The following NRXN3 variants were observed in gnomAD, a reference collection of about 807,000 sequenced individuals.
NRXN3 encodes neurexin III.
NRXN3 carries 32 observed loss-of-function variants against 137.6 expected under a neutral mutation model. That is an observed-to-expected ratio of 0.23 (90% CI 0.18 to 0.31). The LOEUF (loss-of-function observed/expected upper bound fraction) is 0.31, where lower values mean the gene tolerates loss of function less well. Among genes scored for constraint, NRXN3 ranks in the 10% least tolerant of loss-of-function variants. The probability of loss-of-function intolerance (pLI) is 1.00; values close to 1 mark genes in which losing one functional copy is unlikely to be tolerated. For missense variants in NRXN3, 1,574 were observed against 2,062.5 expected (o/e 0.76, Z 4.59); for synonymous variants, 798 against 784.5 (o/e 1.02, Z -0.29).
chr14:79,285,747 T>C (rs1466290521), intron 15 of NRXN3, among the ~76,000 whole-genome samples: 1 of 152,178 alleles, frequency 6.6e-6, no homozygotes, highest in East Asian at 1.9e-4. Context: ...TTAAAGGCCC[T>C]GTCCTCACAT....
At chr14:79,305,317 T>C (rs552692586) in intron 15 of NRXN3, among the ~76,000 whole-genome samples, 58 of 152,170 alleles carry the variant, frequency 3.8e-4, no homozygotes, top group African/African-American at 1.3e-3. Flanking sequence ...CAAAGTCCTG[T>C]GCAAACCTTA....
intron 4 of NRXN3, among the ~76,000 whole-genome samples, chr14:78,418,513 G>T (rs1313071219): frequency 6.6e-6 from 1 of 152,106 alleles, no homozygotes; most frequent in Admixed American, 6.6e-5. Context: ...CCTAGAACAT[G>T]GGACTCCCCT....
chr14:78,230,027 A>G (rs1480138052), intron 1 of NRXN3, among the ~76,000 whole-genome samples: 1 of 151,542 alleles, frequency 6.6e-6, no homozygotes, highest in Non-Finnish European at 1.5e-5. Context: ...ATTTTTATTT[A>G]TTTTGTATTT....
intron 15 of NRXN3, among the ~76,000 whole-genome samples, chr14:79,153,521 C>T (rs1027321796): frequency 2.0e-5 from 3 of 151,830 alleles, no homozygotes; most frequent in African/African-American, 4.8e-5. Flanking sequence ...GTCAGTGAGC[C>T]CACAAGTTTC....
intron 19 of NRXN3, among the ~76,000 whole-genome samples, 170 bp downstream of exon 19, chr14:79,698,107 A>G (rs992774858): frequency 3.3e-5 from 5 of 152,012 alleles, no homozygotes; most frequent in African/African-American, 1.2e-4. Context: ...GTCATTGCTA[A>G]AGAAGTCATA....
intron 1 of NRXN3, among the ~76,000 whole-genome samples, chr14:78,235,038 G>GTATATATATA (rs1567037889): frequency 1.3e-4 from 10 of 76,684 alleles, no homozygotes; most frequent in African/African-American, 4.7e-4. Context: ...ATATATATAT[G>GTATATATATA]TGTGTGTGTG....
chr14:79,130,670 T>A (rs1280230024), intron 15 of NRXN3, among the ~76,000 whole-genome samples: 1 of 152,158 alleles, frequency 6.6e-6, no homozygotes, highest in African/African-American at 2.4e-5. Context: ...GAGTTGCTCT[T>A]CTCGAGGAGT....
In NRXN3 at chr14:78,803,787, C is replaced by T; in HGVS notation, c.2212C>T (p.Leu738=). The part of the protein sequence containing the change: ...RDSADTLRLE[L]DGGRVKLMVN... The stretch of plus-strand genomic sequence containing the variant: ...CTCTGCCGACACCCTGCGTCTGGAG[C>T]TGGATGGGGGGCGTGTCAAGCTCAT... Residue 738 remains leucine (L), a synonymous_variant, in exon 9 of 21, where the codon CTG becomes TTG. Transcript: ENST00000335750. 6.2e-7 allele frequency: 1 copy of T among 1,614,004 alleles called. No homozygotes were observed. The highest frequency in any genetic ancestry group is 2.2e-5 in the East Asian group (1 of 44,860).
chr14:78,615,417 G>C (rs552662935), intron 4 of NRXN3, among the ~76,000 whole-genome samples: 1 of 149,036 alleles, frequency 6.7e-6, no homozygotes, highest in Non-Finnish European at 1.5e-5. Flanking sequence ...TAGCTAACAC[G>C]GTGAAACCCC....
At chr14:79,611,051 A>G (rs1374014102) in intron 16 of NRXN3, among the ~76,000 whole-genome samples, 8 of 152,176 alleles carry the variant, frequency 5.3e-5, no homozygotes, top group Non-Finnish European at 1.0e-4. Context: ...AGACCAGGCC[A>G]CTTCATGATG....
intron 15 of NRXN3, among the ~76,000 whole-genome samples, chr14:79,448,363 C>G (rs182095411): frequency 2.0e-5 from 3 of 152,258 alleles, no homozygotes; most frequent in African/African-American, 4.8e-5. Context: ...TTTATTAGCC[C>G]TTGAAATTCC....
intron 15 of NRXN3, among the ~76,000 whole-genome samples, chr14:79,257,622 G>T: frequency 7.1e-6 from 1 of 141,734 alleles, no homozygotes. Context: ...GGTGACGATG[G>T]TATTAGGAGG....
intron 8 of NRXN3, among the ~76,000 whole-genome samples, chr14:78,740,533 T>TCTTTG (rs367800077): frequency 1.8e-5 from 2 of 112,242 alleles, no homozygotes; most frequent in African/African-American, 5.0e-5. Context: ...TTTTTTCTTC[T>TCTTTG]CTTTTCTTTT....
At chr14:78,642,809 A>G (rs2152568381) in intron 4 of NRXN3, among the ~76,000 whole-genome samples, 1 of 152,334 alleles carries the variant, frequency 6.6e-6, no homozygotes, top group Admixed American at 6.5e-5. Flanking sequence ...GAGTGGATAG[A>G]ACTACTTCAA....
chr14:79,769,317 A>T (rs1209443771), intron 19 of NRXN3, among the ~76,000 whole-genome samples: 1 of 151,258 alleles, frequency 6.6e-6, no homozygotes, highest in Non-Finnish European at 1.5e-5. Context: ...AAGACACATA[A>T]TTGTCAGATT....
At chr14:79,751,528 T>C (rs1445597393) in intron 19 of NRXN3, among the ~76,000 whole-genome samples, 1 of 151,500 alleles carries the variant, frequency 6.6e-6, no homozygotes, top group East Asian at 1.9e-4. Context: ...CAGGGACAAT[T>C]TGACTTCCTC....
At chr14:79,368,797 T>C (rs2093988144) in intron 15 of NRXN3, among the ~76,000 whole-genome samples, 1 of 152,172 alleles carries the variant, frequency 6.6e-6, no homozygotes, top group Admixed American at 6.5e-5. Context: ...TAAAACAAAA[T>C]TGGTACTCTG....
chr14:78,291,067 C>T (rs2075758530), intron 3 of NRXN3, among the ~76,000 whole-genome samples: 1 of 152,166 alleles, frequency 6.6e-6, no homozygotes, highest in African/African-American at 2.4e-5. Context: ...GAGCCAGGGT[C>T]ATAAATGAAG....
chr14:78,560,961 G>A (rs935426553), intron 4 of NRXN3, among the ~76,000 whole-genome samples: 4 of 152,160 alleles, frequency 2.6e-5, no homozygotes, highest in African/African-American at 9.7e-5. Context: ...TTCGCATCAT[G>A]GTGATTGTAT....
Sources: gnomAD v4.1 joint callset for allele counts (sites outside exome capture counted in the v4.1 genomes callset) on GRCh38, gnomAD v4.1.1 for gene constraint, MANE v1.5 for transcripts, NCBI Gene and HGNC (gene_info 2026-07-23, HGNC 2026-07-21) for gene names.